Variants in PCDHGA9 observed in about 807,000 individuals in gnomAD.
The protein encoded by PCDHGA9 is protocadherin gamma subfamily A, 9.
A neutral mutation model predicts 62.5 loss-of-function variants in PCDHGA9; 37 were observed. That is an observed-to-expected ratio of 0.59 (90% confidence interval 0.46 to 0.78). The LOEUF (loss-of-function observed/expected upper bound fraction) is 0.78, where lower values mean the gene tolerates loss of function less well. Among genes scored for constraint, PCDHGA9 ranks in the 30% least tolerant of loss-of-function variants. The pLI, the probability that PCDHGA9 is intolerant of heterozygous loss-of-function variation, is 0.00. For missense variants in PCDHGA9, 1,138 were observed against 1,166.2 expected (o/e 0.98, Z 0.35); for synonymous variants, 459 against 484.6 (o/e 0.95, Z 0.69).
intron 1 of PCDHGA9, chr5:141,427,019 CAA>C (rs1369360584): frequency 8.8e-6 from 4 of 456,798 alleles, no homozygotes; most frequent in Admixed American, 2.3e-5. Flanking sequence ...AGGATGTATA[CAA>C]AGTCAGCCTT....
chr5:141,478,148 C>T lies in PCDHGA9; in HGVS notation c.2425-16659C>T, dbSNP rs752958567. ...CTCTCCTGAAGCCCGAGCCGAGTTC[C>T]CCTCTGGCTCTGCCCCCCGGGAGCA... On this transcript the variant is annotated intron_variant, in intron 1 of 3. Coordinates refer to ENST00000573521, the MANE Select transcript of PCDHGA9 (RefSeq NM_018921.3). 3.1e-6 allele frequency: 5 copies of T among 1,613,948 alleles called. No homozygotes were observed. The highest frequency in any genetic ancestry group is 1.6e-4 in the Middle Eastern group (1 of 6,082).
At chr5:141,494,926 G>C in intron 2 of PCDHGA9, 61 bp downstream of exon 2, 2 of 1,613,498 alleles carry the variant, frequency 1.2e-6, no homozygotes, top group Non-Finnish European at 1.7e-6. Context: ...GGATGACGTG[G>C]GAGGAGATGG....
At chr5:141,408,791 G>C (rs1260366830) in intron 1 of PCDHGA9, 1 of 1,612,540 alleles carries the variant, frequency 6.2e-7, no homozygotes, top group East Asian at 2.2e-5. Context: ...GTTATCTCTG[G>C]AGAAACTCCT....
In PCDHGA9 at chr5:141,430,843, C is replaced by T. The variant is rs1370427603; in HGVS notation, c.2424+25467C>T. 2.6e-6 allele frequency: 4 copies of T among 1,568,356 alleles called. No homozygotes were observed. The African/African-American group carries it at 4.1e-5, about 16-fold the overall frequency. On this transcript the variant is annotated intron_variant, in intron 1 of 3. Coordinates refer to ENST00000573521, the MANE Select transcript of PCDHGA9 (RefSeq NM_018921.3). ...TGGGGACTCTGTGGGAGACCGGATG[C>T]ACCCAGATACGCTATTCAGTTCCGG...
At chr5:141,449,542 T>C (rs1379019468) in intron 1 of PCDHGA9, among the ~76,000 whole-genome samples, 2 of 142,482 alleles carry the variant, frequency 1.4e-5, no homozygotes, top group African/African-American at 5.3e-5. Context: ...TGAGCCGAGA[T>C]CGCACCACTG....
rs36031641 is a variant in PCDHGA9 at position 141,434,771 on chromosome 5, T to TA, written c.2424+29408dup. ...CCCCTGATTCCCCACTTCACACTTCTAAAAAAAAAAAAATTTTTTTTTCTG... is the reference window on the plus strand; with the variant it reads ...CCCCTGATTCCCCACTTCACACTTCTAAAAAAAAAAAAAATTTTTTTTTCTG... On this transcript the variant is annotated intron_variant, in intron 1 of 3. Coordinates refer to ENST00000573521, the MANE Select transcript of PCDHGA9 (RefSeq NM_018921.3). Among the ~76,000 whole-genome samples, 71 of 145,288 alleles carry TA rather than the reference T, an allele frequency of 4.9e-4. 1 individual carries two copies. The highest frequency in any genetic ancestry group is 3.6e-3 in the Middle Eastern group (1 of 278).
At position 141,476,873 on chromosome 5, in the gene PCDHGA9, G is replaced by C; in HGVS notation, c.2425-17934G>C. On this transcript the variant is annotated intron_variant, in intron 1 of 3. Coordinates refer to ENST00000573521, the MANE Select transcript of PCDHGA9 (RefSeq NM_018921.3). This position sits in a 1 kb window ranked among gnomAD's most constrained non-coding sequence, Gnocchi z 7.6. ...CAACCAGTCCTTGTACCGGGCGCGC[G>C]TCCTGGAGGATGCACCCTCCGGCAC... 1 of 1,613,936 alleles carries C rather than the reference G, an allele frequency of 6.2e-7. No homozygotes were observed. Among genetic ancestry groups the C allele is most frequent in the South Asian group, 1.1e-5 (1 of 91,088 alleles).
At chr5:141,478,247 G>T in intron 1 of PCDHGA9, 1 of 1,614,076 alleles carries the variant, frequency 6.2e-7, no homozygotes, top group Non-Finnish European at 8.5e-7. Context: ...CACAGTGTTC[G>T]GAGTAATCAT....
rs2096175268 is a variant in PCDHGA9, at chr5:141,417,870, G to A, written c.2424+12494G>A. On this transcript the variant is annotated intron_variant, in intron 1 of 3. Transcript: ENST00000573521. ...GAACCCGAGCGAACGATGGGAGGGA[G>A]CTGCGCGCAGAGGCGCCGGGCCGGC... 3 of 1,553,910 alleles carry A rather than the reference G, an allele frequency of 1.9e-6. No homozygotes were observed. Among genetic ancestry groups the A allele is most frequent in the Admixed American group, 2.0e-5 (1 of 51,084 alleles).
At chr5:141,495,123 T>C (rs2099759225) in intron 2 of PCDHGA9, among the ~76,000 whole-genome samples, 1 of 152,162 alleles carries the variant, frequency 6.6e-6, no homozygotes, top group African/African-American at 2.4e-5. Flanking sequence ...TCCTATCCCC[T>C]GAGGGCACTG....
intron 1 of PCDHGA9, among the ~76,000 whole-genome samples, chr5:141,425,820 C>T (rs978139996): frequency 6.6e-6 from 1 of 152,156 alleles, no homozygotes; most frequent in Admixed American, 6.5e-5. Flanking sequence ...TAGAAAAAAA[C>T]AAACTTTTAA....
chr5:141,404,212 C>T lies in PCDHGA9; in HGVS notation c.1260C>T (p.Ile420=). The T allele has an allele frequency of 3.7e-6, 6 of 1,613,616 alleles. No homozygotes were observed. The highest frequency in any genetic ancestry group is 5.1e-6 in the Non-Finnish European group (6 of 1,179,692). Reference sequence around the variant, plus strand: ...GAGAAAAAGCCTCAGAATATAATATCACGGTGACTGCAACAGACAGAGGAA... The same window carrying T: ...GAGAAAAAGCCTCAGAATATAATATTACGGTGACTGCAACAGACAGAGGAA... ...LDREKASEYN[I]TVTATDRGTP... The change falls in exon 1 of 4, where the codon ATC becomes ATT. Residue 420 remains isoleucine (I), a synonymous_variant. Transcript: ENST00000573521.
chr5:141,475,947 C>A, intron 1 of PCDHGA9: 1 of 748,120 alleles, frequency 1.3e-6, no homozygotes, highest in Non-Finnish European at 2.1e-6. Context: ...CGTCCCCTTT[C>A]TGCGCCCCGG....
chr5:141,424,319 G>A (rs1014361496), intron 1 of PCDHGA9: 1 of 152,006 alleles, frequency 6.6e-6, no homozygotes, highest in African/African-American at 2.4e-5. Context: ...ATATTGACTG[G>A]CTTTTAACTA....
In PCDHGA9 at chr5:141,485,972, T is replaced by G; in HGVS notation, c.2425-8835T>G. ...CATGGTGCTCATCCAGCTCAATGCC[T>G]CAGACCCGGACCTGGGTCCCAGTGG... On this transcript the variant is annotated intron_variant, in intron 1 of 3. Transcript: ENST00000573521. The surrounding 1 kb of genome is among the most constrained non-coding windows in gnomAD (Gnocchi z 5.7). 1 of 1,614,184 alleles carries G rather than the reference T, an allele frequency of 6.2e-7. No individual in the cohort carries two copies. Among genetic ancestry groups the G allele is most frequent in the Non-Finnish European group, 8.5e-7 (1 of 1,180,022 alleles).
chr5:141,510,194 G>A (rs920127442), intron 3 of PCDHGA9, among the ~76,000 whole-genome samples: 1 of 151,462 alleles, frequency 6.6e-6, no homozygotes, highest in Non-Finnish European at 1.5e-5. Context: ...AATCACTTGA[G>A]CCCAGGAGGC....
Position 141,424,000 on chromosome 5 carries a change from A to G in PCDHGA9, c.2424+18624A>G, listed in dbSNP as rs2096794510. On this transcript the variant is annotated intron_variant, in intron 1 of 3. Coordinates refer to ENST00000573521, the MANE Select transcript of PCDHGA9 (RefSeq NM_018921.3). ...ATGAGGCTCTCAATTTATTATATAT[A>G]GATACAAATTAATGATTCACAAACA... 5 of 1,076,368 alleles carry G rather than the reference A, an allele frequency of 4.6e-6. No homozygotes were observed. In the South Asian group the frequency reaches 1.4e-4, roughly 30 times the overall value. 66.7% of individuals were successfully genotyped at this position (1,076,368 alleles called of 1,614,324 possible).
chr5:141,438,579 CATACATACATACATATAT>C (rs1303045573), intron 1 of PCDHGA9, among the ~76,000 whole-genome samples: 21 of 55,772 alleles, frequency 3.8e-4, no homozygotes, highest in Admixed American at 1.1e-3. Context: ...GATATACATA[CATACATACATACATATAT>C]ATATATATAT....
At chr5:141,482,755 T>TGA (rs1554165462) in intron 1 of PCDHGA9, among the ~76,000 whole-genome samples, 1 of 143,580 alleles carries the variant, frequency 7.0e-6, no homozygotes, top group Admixed American at 6.9e-5. Context: ...GGGATTATGG[T>TGA]ATTTCATTAT....
Sources: allele counts gnomAD v4.1 joint callset (sites outside exome capture counted in the v4.1 genomes callset), GRCh38; gene constraint gnomAD v4.1.1; non-coding constraint Gnocchi (gnomAD v3.1); transcripts MANE v1.5; gene names NCBI Gene and HGNC (gene_info 2026-07-23, HGNC 2026-07-21).